The following PDE4D variants were observed in gnomAD, a reference collection of about 807,000 sequenced individuals.
PDE4D encodes the protein 3',5'-cyclic-AMP phosphodiesterase 4D.
Under a neutral mutation model 87.4 loss-of-function variants are expected in PDE4D, and 24 were observed. That is an observed-to-expected ratio of 0.27 (90% CI 0.20 to 0.39). PDE4D has a LOEUF of 0.39. Ranked by LOEUF, PDE4D falls within the 10% of genes least tolerant of loss-of-function variation. The pLI is 1.00. For missense variants in PDE4D, 714 were observed against 1,041.0 expected (o/e 0.69, Z 4.32); for synonymous variants, 384 against 383.2 (o/e 1.00, Z -0.02).
At chr5:58,993,217 C>A (rs1033995005) in intron 7 of PDE4D, among the ~76,000 whole-genome samples, 155 bp downstream of exon 7, 1 of 152,042 alleles carries the variant, frequency 6.6e-6, no homozygotes, top group African/African-American at 2.4e-5. Flanking sequence ...AACTCAGAGG[C>A]GGATAGTGTC....
intron 1 of PDE4D, among the ~76,000 whole-genome samples, chr5:60,421,093 C>A (rs1457119888): frequency 6.6e-6 from 1 of 152,238 alleles, no homozygotes; most frequent in Non-Finnish European, 1.5e-5. Flanking sequence ...ATAGACTCCA[C>A]CTCTGTGGGC....
At chr5:59,447,166 C>T (rs1051107714) in intron 1 of PDE4D, among the ~76,000 whole-genome samples, 1 of 152,178 alleles carries the variant, frequency 6.6e-6, no homozygotes, top group Non-Finnish European at 1.5e-5. Flanking sequence ...GTTCATGAAG[C>T]AAAATCCAAG....
chr5:59,327,874 C>G (rs775666739), intron 1 of PDE4D, among the ~76,000 whole-genome samples: 1 of 152,044 alleles, frequency 6.6e-6, no homozygotes, highest in Non-Finnish European at 1.5e-5. Context: ...TCCATTTCTT[C>G]GTCTGAAAAA....
At position 59,724,145 on chromosome 5, in the gene PDE4D, C is replaced by T. The variant is rs570739665; in HGVS notation, c.455+169023G>A. Among the ~76,000 whole-genome samples, 66 of 152,138 alleles carry T rather than the reference C, an allele frequency of 4.3e-4. No individual in the cohort carries two copies. The South Asian group carries it at 0.013, about 31-fold the overall frequency. ...AGAGTCAGGTGTTGGTTGAGGTTCA[C>T]AGCTAATTAATCACTGGAAACCTGG... On this transcript the variant is annotated intron_variant, in intron 1 of 14. Coordinates refer to ENST00000340635, the MANE Select transcript of PDE4D (RefSeq NM_001104631.2).
At chr5:60,108,591 G>A (rs1341321754) in intron 2 of PDE4D, among the ~76,000 whole-genome samples, 22 of 152,050 alleles carry the variant, frequency 1.4e-4, no homozygotes, top group Admixed American at 3.9e-4. Flanking sequence ...GAGGCATCAC[G>A]CTACCTGACT....
intron 1 of PDE4D, among the ~76,000 whole-genome samples, chr5:59,404,049 G>T (rs1349337884): frequency 1.3e-5 from 2 of 152,168 alleles, no homozygotes; most frequent in African/African-American, 4.8e-5. Context: ...TTTCCCTGAT[G>T]ACCAATGACA....
At chr5:60,423,901 A>G (rs142917748) in intron 1 of PDE4D, among the ~76,000 whole-genome samples, 2,369 of 152,336 alleles carry the variant, frequency 0.016, 62 homozygotes, top group African/African-American at 0.053. Flanking sequence ...AGAGAATACT[A>G]TAAACACCTC....
rs549145980 is a variant in PDE4D, at chr5:60,045,642, T to C, written c.43-56925A>G. ...GGAATCCTCTCCCCATTGCTTGTTT[T>C]TCTCAGGTTTGACAAAGATCAGATA... On this transcript the variant is annotated intron_variant, in intron 2 of 16. Coordinates refer to the PDE4D transcript ENST00000502484. Among the ~76,000 whole-genome samples, 11 of 152,342 alleles carry C rather than the reference T, an allele frequency of 7.2e-5. No homozygotes were observed. The South Asian group carries it at 2.3e-3, about 32-fold the overall frequency.
At position 60,146,317 on chromosome 5, in the gene PDE4D, C is replaced by T. The variant is rs143757648; in HGVS notation, c.42+39240G>A. 6.3e-3 allele frequency among the ~76,000 whole-genome samples: 959 copies of T among 152,314 alleles called. 7 individuals are homozygous for T. Among genetic ancestry groups the T allele is most frequent in the African/African-American group, 0.022 (914 of 41,564 alleles). On this transcript the variant is annotated intron_variant, in intron 2 of 16. Transcript: ENST00000502484. ...TGTTCTATAAATGTGCATGGTTGATCTATTTCTACATCGTGCAATATTTCA... is the reference window on the plus strand; with the variant it reads ...TGTTCTATAAATGTGCATGGTTGATTTATTTCTACATCGTGCAATATTTCA...
intron 1 of PDE4D, among the ~76,000 whole-genome samples, chr5:59,330,587 T>A (rs1418516923): frequency 6.6e-6 from 1 of 152,240 alleles, no homozygotes; most frequent in Non-Finnish European, 1.5e-5. Flanking sequence ...AGTATCTGAC[T>A]TACTGGTTTG....
chr5:59,212,678 A>G lies in PDE4D; in HGVS notation c.647+3099T>C, dbSNP rs1750342826. Among the ~76,000 whole-genome samples, 3 of 152,232 alleles carry G rather than the reference A, an allele frequency of 2.0e-5. No individual in the cohort carries two copies. In the South Asian group the frequency reaches 6.2e-4, roughly 32 times the overall value. ...GAAAGAAACAATCTATCCCAAACTCAGTTTACTACAATTTAAAAAGGTAGA... is the reference window on the plus strand; with the variant it reads ...GAAAGAAACAATCTATCCCAAACTCGGTTTACTACAATTTAAAAAGGTAGA... On this transcript the variant is annotated intron_variant, in intron 2 of 14. Coordinates refer to ENST00000340635, the MANE Select transcript of PDE4D (RefSeq NM_001104631.2).
intron 2 of PDE4D, among the ~76,000 whole-genome samples, chr5:60,167,306 C>T (rs1234209416): frequency 1.6e-5 from 2 of 125,794 alleles, no homozygotes; most frequent in African/African-American, 3.1e-5. Flanking sequence ...GTCTCGCTGT[C>T]GCCCAGGCTG....
At chr5:59,084,967 T>C (rs1313190698) in intron 5 of PDE4D, among the ~76,000 whole-genome samples, 1 of 152,128 alleles carries the variant, frequency 6.6e-6, no homozygotes, top group Non-Finnish European at 1.5e-5. Flanking sequence ...TGATGAAGTA[T>C]ATATAAACTT....
intron 6 of PDE4D, among the ~76,000 whole-genome samples, chr5:59,029,826 G>C (rs970534989): frequency 1.3e-5 from 2 of 152,126 alleles, no homozygotes; most frequent in African/African-American, 4.8e-5. Context: ...GCATGTTATT[G>C]ACATAAAAAC....
intron 1 of PDE4D, among the ~76,000 whole-genome samples, chr5:59,684,399 T>C (rs1749521842): frequency 6.6e-6 from 1 of 152,164 alleles, no homozygotes; most frequent in Non-Finnish European, 1.5e-5. Flanking sequence ...TCGATACCAT[T>C]TTTTTGAATA....
chr5:59,574,048 ATT>A lies in PDE4D; in HGVS notation c.455+319118_455+319119del, dbSNP rs1349550423. 2.3e-4 allele frequency among the ~76,000 whole-genome samples: 22 copies of A among 94,700 alleles called. 1 individual carries two copies. The highest frequency in any genetic ancestry group is 1.9e-3 in the East Asian group (7 of 3,640). 62.1% of individuals were successfully genotyped at this position (94,700 alleles called of 152,430 possible). A position where few individuals can be genotyped will look rare whatever the true frequency, so the allele number is the denominator to read the frequency against. On this transcript the variant is annotated intron_variant, in intron 1 of 14. Transcript: ENST00000340635. ...TATATAAAAATATATATTTATATATATTTATATATAAAAATATATATATTTAT... is the reference window on the plus strand; with the variant it reads ...TATATAAAAATATATATTTATATATATATATATAAAAATATATATATTTAT...
chr5:59,507,679 A>AAAGAAAAGAAAAGAAAAG (rs1554198808), intron 1 of PDE4D, among the ~76,000 whole-genome samples: 1 of 118,712 alleles, frequency 8.4e-6, no homozygotes, highest in African/African-American at 3.5e-5. Context: ...AAAAAAAAAA[A>AAAGAAAAGAAAAGAAAAG]AAAAGAAAAG....
intron 5 of PDE4D, among the ~76,000 whole-genome samples, chr5:59,074,334 C>T (rs917472766): frequency 6.6e-6 from 1 of 151,972 alleles, no homozygotes. Flanking sequence ...ATAACTTGTG[C>T]AGAGCCCTAG....
intron 3 of PDE4D, among the ~76,000 whole-genome samples, chr5:59,955,042 G>A (rs1283689091): frequency 6.6e-6 from 1 of 152,002 alleles, no homozygotes; most frequent in Non-Finnish European, 1.5e-5. Flanking sequence ...ATGTATTAGA[G>A]TGATTACAAT....
Sources: allele counts gnomAD v4.1 joint callset (sites outside exome capture counted in the v4.1 genomes callset), GRCh38; gene constraint gnomAD v4.1.1; transcripts MANE v1.5; gene names NCBI Gene and HGNC (gene_info 2026-07-23, HGNC 2026-07-21).